Variants in GFRA2 observed in about 807,000 individuals in gnomAD.
GFRA2 encodes GDNF family receptor alpha-2.
GFRA2 carries 17 observed loss-of-function variants against 48.3 expected under a neutral mutation model. That is an observed-to-expected ratio of 0.35 (90% CI 0.24 to 0.53). GFRA2 has a LOEUF of 0.53. Ranked by LOEUF, GFRA2 falls within the 20% of genes least tolerant of loss-of-function variation. GFRA2 has a pLI of 0.93. For missense variants in GFRA2, 660 were observed against 637.3 expected (o/e 1.04, Z -0.38); for synonymous variants, 305 against 257.2 (o/e 1.19, Z -1.78).
Position 21,785,403 on chromosome 8 carries a change from C to T in GFRA2, c.41-2504G>A, listed in dbSNP as rs371241767. 6.6e-5 allele frequency among the ~76,000 whole-genome samples: 10 copies of T among 152,328 alleles called. No homozygotes were observed. In the East Asian group the frequency reaches 1.9e-3, roughly 29 times the overall value. ...TAGTTCATTCCATGACCCCCAGAAC[C>T]AATCAAGCCCAGCCAGAGAAAGGAA... On this transcript the variant is annotated intron_variant, in intron 1 of 8. Coordinates refer to ENST00000524240, the MANE Select transcript of GFRA2 (RefSeq NM_001495.5).
rs1802405883 is a variant in GFRA2 at position 21,700,256 on chromosome 8, T to TGC, written c.1218+2548_1218+2549insGC. Among the ~76,000 whole-genome samples, 19 of 70,956 alleles carry TGC rather than the reference T, an allele frequency of 2.7e-4. No homozygotes were observed. In the South Asian group the frequency reaches 0.01, roughly 38 times the overall value. The allele number at this position is 70,956 out of a possible 152,430, so 46.5% of individuals were successfully genotyped here. On this transcript the variant is annotated intron_variant, in intron 7 of 8. Transcript: ENST00000524240. ...ATTCAGACAAGGTATATATTTAATA[T>TGC]ACCAGAAGGCCCCAGGAGAGACCAT...
intron 4 of GFRA2, among the ~76,000 whole-genome samples, chr8:21,740,691 C>G (rs896167273): frequency 6.6e-6 from 1 of 152,190 alleles, no homozygotes; most frequent in Non-Finnish European, 1.5e-5. Flanking sequence ...GCCATAAATA[C>G]GCTAATGCCC....
chr8:21,705,286 C>A (rs964277269), intron 5 of GFRA2, among the ~76,000 whole-genome samples, 161 bp from the exon 6 acceptor site: 1 of 152,082 alleles, frequency 6.6e-6, no homozygotes, highest in African/African-American at 2.4e-5. Flanking sequence ...TAACTCTGAG[C>A]ATGACTATCC....
rs189820190 is a variant in GFRA2, at chr8:21,693,314, G to A, written c.1359C>T (p.Thr453=). 8.6e-5 allele frequency: 139 copies of A among 1,613,650 alleles called. No homozygotes were observed. Among genetic ancestry groups the A allele is most frequent in the Admixed American group, 2.7e-4 (16 of 59,968 alleles). The part of the protein sequence containing the change: ...PSRARPSAAL[T]VLSVLMLKLA... ...GTTTCAGCATCAGGACAGACAGCAC[G>A]GTCAAGGCAGCCGACGGTCTGGCTC... Residue 453 remains threonine (T), a synonymous_variant, in exon 9 of 9, where the codon ACC becomes ACT. Coordinates refer to ENST00000524240, the MANE Select transcript of GFRA2 (RefSeq NM_001495.5).
intron 1 of GFRA2, among the ~76,000 whole-genome samples, chr8:21,806,646 T>A (rs1408986782): frequency 2.0e-5 from 3 of 152,096 alleles, no homozygotes; most frequent in African/African-American, 7.2e-5. Context: ...CCTTTAACTT[T>A]TGTAGAGATG....
chr8:21,708,667 G>C (rs1282368727), intron 4 of GFRA2, among the ~76,000 whole-genome samples: 1 of 152,208 alleles, frequency 6.6e-6, no homozygotes, highest in South Asian at 2.1e-4. Flanking sequence ...GAAGAGAAGA[G>C]ATAGGCACAC....
At chr8:21,810,623 G>A (rs1807959894) in intron 1 of GFRA2, among the ~76,000 whole-genome samples, 1 of 152,234 alleles carries the variant, frequency 6.6e-6, no homozygotes, top group South Asian at 2.1e-4. Context: ...ATGGCAGCAA[G>A]GGCCTAGGAT....
In GFRA2 at chr8:21,743,143, C is replaced by T. The variant is rs374182874; in HGVS notation, c.794+7445G>A. 4.3e-4 allele frequency among the ~76,000 whole-genome samples: 65 copies of T among 152,278 alleles called. No homozygotes were observed. The South Asian group carries it at 0.013, about 31-fold the overall frequency. ...AGTTAAAGAGTGAGCAGAGCCCCTA[C>T]TGAGACCAGCAACAGCAGCCACATG... On this transcript the variant is annotated intron_variant, in intron 4 of 8. Coordinates refer to ENST00000524240, the MANE Select transcript of GFRA2 (RefSeq NM_001495.5).
At chr8:21,748,078 T>G (rs1805099726) in intron 4 of GFRA2, among the ~76,000 whole-genome samples, 1 of 152,182 alleles carries the variant, frequency 6.6e-6, no homozygotes, top group South Asian at 2.1e-4. Flanking sequence ...GACTCCCTCC[T>G]GAGCTCTAGC....
rs75035358 is a variant in GFRA2 at position 21,692,156 on chromosome 8, A to T, written c.*1122T>A. 6.6e-6 allele frequency: 1 copy of T among 152,600 alleles called. No homozygotes were observed. Among genetic ancestry groups the T allele is most frequent in the Admixed American group, 6.5e-5 (1 of 15,284 alleles). 9.5% of individuals were successfully genotyped at this position (152,600 alleles called of 1,614,324 possible). ...TTTCCCCATTATAGACAACAGTATT[A>T]AAAAAAATAAACTTTACAATAATAC... On this transcript the variant is annotated 3_prime_UTR_variant, in exon 9 of 9. Transcript: ENST00000524240.
At chr8:21,794,720 T>A (rs1253698010) in intron 2 of GFRA2, among the ~76,000 whole-genome samples, 1 of 152,124 alleles carries the variant, frequency 6.6e-6, no homozygotes, top group African/African-American at 2.4e-5. Flanking sequence ...TTCCAGCCCC[T>A]ACCTCCCTCC....
chr8:21,776,403 G>A (rs1563261747), intron 2 of GFRA2, among the ~76,000 whole-genome samples: 1 of 151,056 alleles, frequency 6.6e-6, no homozygotes, highest in Non-Finnish European at 1.5e-5. Flanking sequence ...CTCATGCCCC[G>A]CAACACCCAG....
rs10674628 is a variant in GFRA2 at position 21,714,246 on chromosome 8, C to CT, written c.795-8206dup. Reference sequence around the variant, plus strand: ...GATCAATACATACTGGTCTGAAGTTCTTTTTTTTTTTTTTTTTTTTTTTGA... The same window carrying CT: ...GATCAATACATACTGGTCTGAAGTTCTTTTTTTTTTTTTTTTTTTTTTTTGA... On this transcript the variant is annotated intron_variant, in intron 4 of 8. Coordinates refer to ENST00000524240, the MANE Select transcript of GFRA2 (RefSeq NM_001495.5). 4.4e-3 allele frequency among the ~76,000 whole-genome samples: 345 copies of CT among 78,372 alleles called. 23 individuals are homozygous for CT. The highest frequency in any genetic ancestry group is 4.6e-3 in the African/African-American group (88 of 19,302). 51.4% of individuals were successfully genotyped at this position (78,372 alleles called of 152,430 possible). A position where few individuals can be genotyped will look rare whatever the true frequency, so the allele number is the denominator to read the frequency against.
At chr8:21,809,582 C>T (rs1299050983) in intron 1 of GFRA2, among the ~76,000 whole-genome samples, 1 of 152,186 alleles carries the variant, frequency 6.6e-6, no homozygotes, top group Non-Finnish European at 1.5e-5. Flanking sequence ...CCGCCTCGGC[C>T]TCCCAAAGTG....
intron 4 of GFRA2, among the ~76,000 whole-genome samples, chr8:21,721,983 C>A (rs1803622187): frequency 6.6e-6 from 1 of 152,204 alleles, no homozygotes; most frequent in Admixed American, 6.5e-5. Context: ...GCTATGCCAC[C>A]ACTAGGAGTC....
At chr8:21,759,552 A>AGGAG (rs1805793576) in intron 3 of GFRA2, among the ~76,000 whole-genome samples, 1 of 144,498 alleles carries the variant, frequency 6.9e-6, no homozygotes, top group East Asian at 2.1e-4. Context: ...GAGGGAAGGA[A>AGGAG]GGAAGGAAAG....
chr8:21,751,311 A>G (rs1160750712), intron 3 of GFRA2, among the ~76,000 whole-genome samples: 1 of 152,196 alleles, frequency 6.6e-6, no homozygotes, highest in African/African-American at 2.4e-5. Context: ...TCAGCGTCAT[A>G]CAACGAGGGG....
chr8:21,790,240 C>A, upstream of GFRA2: 4 of 214,398 alleles, frequency 1.9e-5, no homozygotes, highest in Non-Finnish European at 3.2e-5. Flanking sequence ...AGCCCGGCAT[C>A]CCCCGGCCCT....
intron 6 of GFRA2, 49 bp from the exon 7 acceptor site, chr8:21,703,026 T>A (rs1318448264): frequency 8.3e-7 from 1 of 1,210,728 alleles, no homozygotes; most frequent in African/African-American, 1.6e-5. Flanking sequence ...CCCACGTCCG[T>A]CACTCCTGTC....
Sources: gnomAD v4.1 joint callset for allele counts (sites outside exome capture counted in the v4.1 genomes callset) on GRCh38, gnomAD v4.1.1 for gene constraint, MANE v1.5 for transcripts, NCBI Gene and HGNC (gene_info 2026-07-23, HGNC 2026-07-21) for gene names.